The following SLC45A4 variants were observed in gnomAD, a reference collection of about 807,000 sequenced individuals.
SLC45A4 encodes the protein polyamine-transporter SLC45A4.
A neutral mutation model predicts 63.7 loss-of-function variants in SLC45A4; 32 were observed. The ratio of observed to expected loss-of-function variants is 0.50; its 90% CI spans 0.38 to 0.67. The LOEUF (loss-of-function observed/expected upper bound fraction) is 0.67, where lower values mean the gene tolerates loss of function less well. SLC45A4 is among the 30% of genes least tolerant of loss of function. The pLI, the probability that SLC45A4 is intolerant of heterozygous loss-of-function variation, is 0.00. For synonymous variants in SLC45A4, 535 were observed against 510.0 expected, an observed-to-expected ratio of 1.05 and a Z score of -0.66; for missense variants, 1,027 against 1,157.7, an observed-to-expected ratio of 0.89 and a Z score of 1.64.
At chr8:141,294,225 G>A (rs1830459488) in intron 1 of SLC45A4, among the ~76,000 whole-genome samples, 1 of 152,186 alleles carries the variant, frequency 6.6e-6, no homozygotes, top group South Asian at 2.1e-4. Context: ...GCTTCCTGGG[G>A]ACAATGTGCC....
intron 1 of SLC45A4, among the ~76,000 whole-genome samples, chr8:141,268,193 A>C (rs1829359065): frequency 6.6e-6 from 1 of 152,214 alleles, no homozygotes; most frequent in East Asian, 1.9e-4. Context: ...AGTATTTCTA[A>C]GTGAAAGAAG....
chr8:141,224,304 C>G (rs2154614133), intron 2 of SLC45A4: 2 of 152,346 alleles, frequency 1.3e-5, no homozygotes, highest in Middle Eastern at 6.8e-3. Flanking sequence ...AGCAGTTTGA[C>G]AATGACAAGC....
At chr8:141,275,881 T>C (rs1044993130) in intron 1 of SLC45A4, among the ~76,000 whole-genome samples, 3 of 151,992 alleles carry the variant, frequency 2.0e-5, no homozygotes, top group South Asian at 2.1e-4. Flanking sequence ...GCATGTTTCA[T>C]AGAGTCTTTC....
At position 141,215,214 on chromosome 8, in the gene SLC45A4, T is replaced by C. The variant is rs1166224504; in HGVS notation, c.1941+545A>G. Among the ~76,000 whole-genome samples, 1 of 152,256 alleles carries C rather than the reference T, an allele frequency of 6.6e-6. No individual in the cohort carries two copies. The highest frequency in any genetic ancestry group is 1.5e-5 in the Non-Finnish European group (1 of 68,044). On this transcript the variant is annotated intron_variant, in intron 7 of 8. Transcript: ENST00000517878. The surrounding 1 kb of genome is among the most constrained non-coding windows in gnomAD (Gnocchi z 4.3). Reference sequence around the variant, plus strand: ...GATAAAGCTCGTCTCATGTGTGATGTGCTGTGATGTAACATACACACAATT... The same window carrying C: ...GATAAAGCTCGTCTCATGTGTGATGCGCTGTGATGTAACATACACACAATT...
At chr8:141,303,141 ATG>A (rs949197098) in intron 1 of SLC45A4, among the ~76,000 whole-genome samples, 1 of 150,958 alleles carries the variant, frequency 6.6e-6, no homozygotes, top group Admixed American at 6.6e-5. Flanking sequence ...GGGACCACTG[ATG>A]TGAGACACCG....
chr8:141,223,356 G>A (rs1015308785), intron 2 of SLC45A4, among the ~76,000 whole-genome samples: 1 of 152,188 alleles, frequency 6.6e-6, no homozygotes, highest in African/African-American at 2.4e-5. Context: ...CAGCTTCACC[G>A]GAACTGAGTC....
rs187199738 is a variant in SLC45A4, at chr8:141,250,307, G to A, written c.241+3682C>T. Among the ~76,000 whole-genome samples the A allele has an allele frequency of 2.4e-3, 360 of 152,046 alleles. 1 individual carries two copies. The highest frequency in any genetic ancestry group is 3.9e-3 in the Non-Finnish European group (263 of 68,006). The stretch of plus-strand genomic sequence containing the variant: ...CACACTGGTTTTCACTTTGAGTACA[G>A]TATTCAATAAATTACACAAGATCTT... On this transcript the variant is annotated intron_variant, in intron 2 of 8. Transcript: ENST00000517878.
intron 1 of SLC45A4, among the ~76,000 whole-genome samples, chr8:141,293,177 G>A (rs1273356712): frequency 2.6e-5 from 4 of 152,206 alleles, no homozygotes; most frequent in Non-Finnish European, 2.9e-5. Context: ...AAATGCGGCC[G>A]GGCGCAGTGG....
chr8:141,239,284 C>A (rs1315278613), intron 2 of SLC45A4, among the ~76,000 whole-genome samples: 3 of 152,188 alleles, frequency 2.0e-5, no homozygotes, highest in African/African-American at 7.2e-5. Flanking sequence ...CCACAGACAT[C>A]CCTGGGTCAG....
intron 2 of SLC45A4, among the ~76,000 whole-genome samples, chr8:141,240,282 G>A (rs1455057861): frequency 6.6e-6 from 1 of 152,196 alleles, no homozygotes; most frequent in Non-Finnish European, 1.5e-5. Flanking sequence ...CGTTAATCCA[G>A]TTCTAACTCA....
At chr8:141,281,390 CA>C (rs1829935315) in intron 1 of SLC45A4, among the ~76,000 whole-genome samples, 2 of 152,210 alleles carry the variant, frequency 1.3e-5, no homozygotes, top group African/African-American at 2.4e-5. Context: ...GTGACTGTGA[CA>C]GGCTCAGCCC....
intron 1 of SLC45A4, among the ~76,000 whole-genome samples, chr8:141,281,003 C>G (rs753699894): frequency 6.6e-6 from 1 of 152,252 alleles, no homozygotes; most frequent in Non-Finnish European, 1.5e-5. Flanking sequence ...CTCTCAGCAT[C>G]GCACGAGTTC....
chr8:141,308,191 G>C lies in SLC45A4; in HGVS notation c.-496C>G, dbSNP rs1830963298. 6.8e-6 allele frequency: 1 copy of C among 147,640 alleles called. No homozygotes were observed. Among genetic ancestry groups the C allele is most frequent in the Non-Finnish European group, 1.5e-5 (1 of 65,978 alleles). 9.1% of individuals were successfully genotyped at this position (147,640 alleles called of 1,614,324 possible). On this transcript the variant is annotated 5_prime_UTR_variant, in exon 1 of 9. Transcript: ENST00000517878. The stretch of plus-strand genomic sequence containing the variant: ...GCGGAGCCCCGGGCGCACCGGGGTC[G>C]GGAGGCGGCTGCGGGTCCGGGCGGG...
rs1827231579 is a variant in SLC45A4 at position 141,229,558 on chromosome 8, G to A, written c.242-7793C>T. Among the ~76,000 whole-genome samples, 2 of 152,120 alleles carry A rather than the reference G, an allele frequency of 1.3e-5. 1 individual carries two copies. The highest frequency in any genetic ancestry group is 4.1e-4 in the South Asian group (2 of 4,822). ...AAGGCCACAAGCTTCAAGGCAGTGG[G>A]ACCATCCAGGACCGCATCCTAGGAG... On this transcript the variant is annotated intron_variant, in intron 2 of 8. Transcript: ENST00000517878. This position sits in a 1 kb window ranked among gnomAD's most constrained non-coding sequence, Gnocchi z 5.0.
At chr8:141,306,833 A>C (rs565580454) in intron 1 of SLC45A4, among the ~76,000 whole-genome samples, 233 of 152,362 alleles carry the variant, frequency 1.5e-3, no homozygotes, top group African/African-American at 5.6e-3. Context: ...AGAATCTACC[A>C]GCCCACAAGA....
At chr8:141,303,243 C>T (rs1419610852) in intron 1 of SLC45A4, among the ~76,000 whole-genome samples, 3 of 151,892 alleles carry the variant, frequency 2.0e-5, no homozygotes, top group Admixed American at 6.6e-5. Flanking sequence ...GCAATCTGCC[C>T]GCCTCAGCCG....
chr8:141,279,684 G>A (rs571762201), intron 1 of SLC45A4, among the ~76,000 whole-genome samples: 33 of 152,270 alleles, frequency 2.2e-4, no homozygotes, highest in Non-Finnish European at 3.7e-4. Context: ...CCTGGCACAC[G>A]CCCCGCGCTG....
chr8:141,246,248 C>T (rs182588598), intron 2 of SLC45A4, among the ~76,000 whole-genome samples: 55 of 152,290 alleles, frequency 3.6e-4, no homozygotes, highest in Non-Finnish European at 5.0e-4. Context: ...ATTCTGAGCA[C>T]GTGTACTGGT....
rs576038656 is a variant in SLC45A4, at chr8:141,263,352, C to T, written c.-400-8723G>A. 3.0e-4 allele frequency among the ~76,000 whole-genome samples: 45 copies of T among 150,226 alleles called. No homozygotes were observed. In the East Asian group the frequency reaches 8.8e-3, roughly 29 times the overall value. ...CACATTGTGCACATGTACCCTAAAA[C>T]TTAAAGTATAATAATAATAAAATTT... On this transcript the variant is annotated intron_variant, in intron 1 of 8. Transcript: ENST00000517878.
Sources: gnomAD v4.1 joint callset for allele counts (sites outside exome capture counted in the v4.1 genomes callset) on GRCh38, gnomAD v4.1.1 for gene constraint, Gnocchi (gnomAD v3.1) non-coding constraint, MANE v1.5 for transcripts, NCBI Gene and HGNC (gene_info 2026-07-23, HGNC 2026-07-21) for gene names.